The following WDR11 variants were observed in gnomAD, a reference collection of about 807,000 sequenced individuals.
The protein encoded by WDR11 is WD repeat-containing protein 11.
Under a neutral mutation model 151.2 loss-of-function variants are expected in WDR11, and 83 were observed. That is an observed-to-expected ratio of 0.55 (90% CI 0.46 to 0.66). The LOEUF (loss-of-function observed/expected upper bound fraction) is 0.66, where lower values mean the gene tolerates loss of function less well. WDR11 is among the 30% of genes least tolerant of loss of function. WDR11 has a pLI of 0.00. For missense variants in WDR11, 1,301 were observed against 1,480.9 expected (o/e 0.88, Z 1.99); for synonymous variants, 484 against 533.1 (o/e 0.91, Z 1.27).
At chr10:120,902,676 C>T (rs1032577768) in intron 22 of WDR11, among the ~76,000 whole-genome samples, 8 of 151,524 alleles carry the variant, frequency 5.3e-5, no homozygotes, top group Non-Finnish European at 1.2e-4. Flanking sequence ...AAAAAAGACT[C>T]CTCTCCCCAC....
In WDR11 at chr10:120,860,225, T is replaced by C; in HGVS notation, c.469T>C (p.Tyr157His). The C allele has an allele frequency of 6.2e-7, 1 of 1,614,222 alleles. No individual in the cohort carries two copies. The highest frequency in any genetic ancestry group is 8.5e-7 in the Non-Finnish European group (1 of 1,180,042). Reference sequence around the variant, plus strand: ...TGGCACCAAACTATGGAAGAAGAGCTATGCAGATAACATTCTTTCTTTTTC... The same window carrying C: ...TGGCACCAAACTATGGAAGAAGAGCCATGCAGATAACATTCTTTCTTTTTC... ...DTGTKLWKKS[Y>H]ADNILSFSFD... The change falls in exon 4 of 29, where the codon TAT becomes CAT. Residue 157 changes from tyrosine (Y) to histidine (H), a missense_variant. This residue lies in a region of WDR11 where 692 missense variants were observed against 762.5 expected (regional missense o/e 0.91). Coordinates refer to ENST00000263461, the MANE Select transcript of WDR11 (RefSeq NM_018117.12).
At chr10:120,887,862 C>G (rs956938816) in intron 16 of WDR11, among the ~76,000 whole-genome samples, 5 of 152,156 alleles carry the variant, frequency 3.3e-5, no homozygotes, top group Non-Finnish European at 7.4e-5. Context: ...ATTAAACATT[C>G]TATTTTATGG....
intron 19 of WDR11, chr10:120,899,697 C>T (rs535423482): frequency 2.2e-4 from 64 of 294,774 alleles, no homozygotes; most frequent in Non-Finnish European, 3.6e-4. Flanking sequence ...GCAGGAGAAT[C>T]GCTTGAACCC....
Position 120,871,116 on chromosome 10 carries a change from T to C in WDR11, c.1295-54T>C. ...TCTACTGAAAATTTTCTTTAGCTTT[T>C]TAAGATCAGCATACACTGTAGTTAA... is the stretch of plus-strand genomic sequence containing the variant. On this transcript the variant is annotated intron_variant, in intron 9 of 28. Coordinates refer to ENST00000263461, the MANE Select transcript of WDR11 (RefSeq NM_018117.12). The C allele has an allele frequency of 1.9e-6, 3 of 1,584,104 alleles. No homozygotes were observed. In the East Asian group the frequency reaches 6.9e-5, roughly 36 times the overall value.
At chr10:120,896,486 C>T (rs1847619216) in intron 19 of WDR11, among the ~76,000 whole-genome samples, 1 of 152,138 alleles carries the variant, frequency 6.6e-6, no homozygotes, top group African/African-American at 2.4e-5. Flanking sequence ...ATGCAAGACA[C>T]AGTTGAACCA....
intron 4 of WDR11, among the ~76,000 whole-genome samples, chr10:120,861,476 G>A (rs764401569): frequency 3.3e-5 from 5 of 152,150 alleles, no homozygotes; most frequent in Non-Finnish European, 5.9e-5. Context: ...GGGAAGGAGG[G>A]CATCACAAAA....
At chr10:120,876,927 A>G (rs574051893) in intron 11 of WDR11, among the ~76,000 whole-genome samples, 7 of 152,346 alleles carry the variant, frequency 4.6e-5, no homozygotes, top group Middle Eastern at 6.8e-3. Flanking sequence ...TTATACTTAC[A>G]GTGCATGTGC....
At chr10:120,865,019 G>A in intron 5 of WDR11, 28 bp from the exon 6 acceptor site, 2 of 1,612,584 alleles carry the variant, frequency 1.2e-6, no homozygotes, top group Non-Finnish European at 1.7e-6. Context: ...TGAAGTCTTT[G>A]ACCCAAGTGA....
At chr10:120,880,200 T>C (rs1846948803) in intron 12 of WDR11, 2 of 152,394 alleles carry the variant, frequency 1.3e-5, no homozygotes, top group African/African-American at 4.8e-5. Context: ...ATCTTAAAAC[T>C]TAACATTGTT....
At chr10:120,883,677 A>G (rs546767724) in intron 13 of WDR11, 103 bp from the exon 14 acceptor site, 1 of 889,914 alleles carries the variant, frequency 1.1e-6, no homozygotes, top group South Asian at 1.4e-5. Flanking sequence ...TATATTTAGA[A>G]TGCGTCAGCT....
At chr10:120,878,004 T>C (rs1846858111) in intron 11 of WDR11, among the ~76,000 whole-genome samples, 2 of 152,238 alleles carry the variant, frequency 1.3e-5, no homozygotes, top group Admixed American at 6.5e-5. Context: ...ATGTAGATTT[T>C]CTTAGGTCAT....
chr10:120,894,804 G>A (rs186146106), intron 19 of WDR11, among the ~76,000 whole-genome samples: 1 of 152,174 alleles, frequency 6.6e-6, no homozygotes, highest in Admixed American at 6.5e-5. Flanking sequence ...TTCTAATTGT[G>A]TAATTTTCAG....
intron 19 of WDR11, among the ~76,000 whole-genome samples, chr10:120,895,794 G>C (rs976020630): frequency 6.6e-6 from 1 of 151,996 alleles, no homozygotes; most frequent in African/African-American, 2.4e-5. Context: ...AATTAAAATT[G>C]TTTCTTACCT....
rs372379248 is a variant in WDR11, at chr10:120,889,916, T to C, written c.2250T>C (p.Ser750=). The change falls in exon 18 of 29, where the codon AGT becomes AGC. Residue 750 remains serine (S), a synonymous_variant. Transcript: ENST00000263461. ...TCAGAGGAATACCCACACACCGAAG[T>C]TGGGTGAGGAAGATTCGTTTTGCTC... is the stretch of plus-strand genomic sequence containing the variant. ...RVSRGIPTHR[S]WVRKIRFAPG... The C allele has an allele frequency of 6.2e-7, 1 of 1,613,642 alleles. No individual in the cohort carries two copies. The highest frequency in any genetic ancestry group is 8.5e-7 in the Non-Finnish European group (1 of 1,179,600).
intron 14 of WDR11, among the ~76,000 whole-genome samples, chr10:120,884,858 A>T (rs1432499441): frequency 6.6e-6 from 1 of 152,218 alleles, no homozygotes; most frequent in Non-Finnish European, 1.5e-5. Context: ...GGAATGTTCA[A>T]ACTCATCAGT....
At chr10:120,860,889 A>C (rs1311297910) in intron 4 of WDR11, among the ~76,000 whole-genome samples, 1 of 152,180 alleles carries the variant, frequency 6.6e-6, no homozygotes, top group Non-Finnish European at 1.5e-5. Flanking sequence ...AGCTATTGCT[A>C]CTCTTCTGGG....
chr10:120,905,896 G>A lies in WDR11; in HGVS notation c.3312G>A (p.Glu1104=), dbSNP rs1848021384. The A allele has an allele frequency of 3.1e-6, 5 of 1,614,066 alleles. No homozygotes were observed. The highest frequency in any genetic ancestry group is 4.2e-6 in the Non-Finnish European group (5 of 1,180,032). ...WLAKVRLNPE[E]CADVLRRWVD... Reference sequence around the variant, plus strand: ...CTCAGGTCCGTTTGAATCCTGAGGAGTGTGCCGATGTTTTAAGGCGGTGGG... The same window carrying A: ...CTCAGGTCCGTTTGAATCCTGAGGAATGTGCCGATGTTTTAAGGCGGTGGG... The change falls in exon 27 of 29, where the codon GAG becomes GAA. Residue 1104 remains glutamate (E), a synonymous_variant. Coordinates refer to ENST00000263461, the MANE Select transcript of WDR11 (RefSeq NM_018117.12).
intron 28 of WDR11, 85 bp downstream of exon 28, chr10:120,906,940 A>G: frequency 6.4e-7 from 1 of 1,569,384 alleles, no homozygotes; most frequent in Non-Finnish European, 8.8e-7. Context: ...TGCTGCCTGG[A>G]CAGGAACTAT....
chr10:120,852,774 A>C, intron 2 of WDR11, 139 bp downstream of exon 2: 1 of 703,066 alleles, frequency 1.4e-6, no homozygotes, highest in Non-Finnish European at 2.5e-6. Flanking sequence ...GTAGCCTAGA[A>C]TTTTCATATA....
Sources: gnomAD v4.1 joint callset for allele counts (sites outside exome capture counted in the v4.1 genomes callset) on GRCh38, gnomAD v4.1.1 for gene constraint, gnomAD v4.1.1 regional missense constraint, MANE v1.5 for transcripts, NCBI Gene and HGNC (gene_info 2026-07-23, HGNC 2026-07-21) for gene names.